The following PTCSC3 variants were observed in gnomAD, a reference collection of about 807,000 sequenced individuals.
The protein encoded by PTCSC3 is papillary thyroid carcinoma susceptibility candidate 3 (non-protein coding).
intron 2 of PTCSC3, among the ~76,000 whole-genome samples, chr14:36,160,633 T>A (rs1594453539): frequency 8.0e-6 from 1 of 124,326 alleles, no homozygotes; most frequent in South Asian, 2.9e-4. Context: ...TAACCTGACC[T>A]TTCTCTCTGG....
chr14:36,146,360 T>C (rs1452361335), intron 3 of PTCSC3, among the ~76,000 whole-genome samples: 1 of 149,642 alleles, frequency 6.7e-6, no homozygotes, highest in South Asian at 2.2e-4. Context: ...ATTGGGTGCA[T>C]ATATATTTAG....
At chr14:36,160,699 C>T (rs568805022) in intron 2 of PTCSC3, among the ~76,000 whole-genome samples, 11 of 152,146 alleles carry the variant, frequency 7.2e-5, no homozygotes, top group South Asian at 2.1e-4. Context: ...AATTATATGT[C>T]TTGGGGGTTG....
intron 3 of PTCSC3, among the ~76,000 whole-genome samples, chr14:36,142,352 C>T (rs1045926278): frequency 1.3e-5 from 2 of 152,042 alleles, no homozygotes; most frequent in Non-Finnish European, 2.9e-5. Flanking sequence ...GCATACCTGC[C>T]GTATGGTTGT....
intron 3 of PTCSC3, among the ~76,000 whole-genome samples, chr14:36,143,687 CT>C (rs1298919317): frequency 6.8e-6 from 1 of 148,056 alleles, no homozygotes; most frequent in Non-Finnish European, 1.5e-5. Context: ...TCAATTTTGG[CT>C]TTTGTTGCCA....
At chr14:36,142,753 C>G (rs1270177955) in intron 3 of PTCSC3, among the ~76,000 whole-genome samples, 3 of 150,990 alleles carry the variant, frequency 2.0e-5, no homozygotes, top group African/African-American at 7.3e-5. Flanking sequence ...GTGCGCTGCA[C>G]CCACTAACTC....
intron 3 of PTCSC3, among the ~76,000 whole-genome samples, chr14:36,146,190 G>T: frequency 6.9e-6 from 1 of 144,498 alleles, no homozygotes; most frequent in Non-Finnish European, 1.5e-5. Context: ...ACTTGGTGCA[G>T]AGCTGAGTTC....
chr14:36,141,385 T>C (rs1410343679), intron 3 of PTCSC3, among the ~76,000 whole-genome samples: 1 of 152,092 alleles, frequency 6.6e-6, no homozygotes, highest in Admixed American at 6.6e-5. Context: ...TATCTTTCCC[T>C]TTATTTAGAT....
At chr14:36,175,396 T>C (rs1324518649) in intron 1 of PTCSC3, among the ~76,000 whole-genome samples, 2 of 152,164 alleles carry the variant, frequency 1.3e-5, no homozygotes, top group African/African-American at 4.8e-5. Flanking sequence ...AGTCATCCCA[T>C]TATGGTTAGA....
At chr14:36,146,974 A>G (rs1290772909) in intron 3 of PTCSC3, among the ~76,000 whole-genome samples, 1 of 152,148 alleles carries the variant, frequency 6.6e-6, no homozygotes, top group Non-Finnish European at 1.5e-5. Flanking sequence ...TTCCTTTAAG[A>G]ATGTTGAATA....
chr14:36,141,589 G>T (rs1275260074), intron 3 of PTCSC3, among the ~76,000 whole-genome samples: 2 of 152,058 alleles, frequency 1.3e-5, no homozygotes, highest in Admixed American at 1.3e-4. Context: ...CTAACATCAG[G>T]TGGTCTGCCT....
chr14:36,142,762 T>G (rs1487511890), intron 3 of PTCSC3, among the ~76,000 whole-genome samples: 1 of 150,274 alleles, frequency 6.7e-6, no homozygotes, highest in East Asian at 2.0e-4. Flanking sequence ...ACCCACTAAC[T>G]CATCATCTAG....
At chr14:36,146,480 G>A (rs1307480393) in intron 3 of PTCSC3, among the ~76,000 whole-genome samples, 1 of 151,390 alleles carries the variant, frequency 6.6e-6, no homozygotes, top group Non-Finnish European at 1.5e-5. Context: ...GACTAGGATT[G>A]CAACCCCTGC....
intron 1 of PTCSC3, among the ~76,000 whole-genome samples, chr14:36,163,968 C>T (rs755523291): frequency 4.6e-5 from 7 of 152,072 alleles, no homozygotes; most frequent in African/African-American, 9.7e-5. Context: ...TAACAACAGA[C>T]GGTGTCAGGA....
intron 3 of PTCSC3, among the ~76,000 whole-genome samples, chr14:36,150,663 A>G (rs1881700741): frequency 6.6e-6 from 1 of 152,032 alleles, no homozygotes; most frequent in African/African-American, 2.4e-5. Context: ...ATATGATTCC[A>G]TTTTCCCTCC....
At chr14:36,141,454 GATAT>G (rs1474540486) in intron 3 of PTCSC3, among the ~76,000 whole-genome samples, 5 of 151,600 alleles carry the variant, frequency 3.3e-5, no homozygotes, top group Non-Finnish European at 7.4e-5. Context: ...CAGATATATA[GATAT>G]ATATATCTAT....
chr14:36,159,076 A>AT (rs1407021331), intron 2 of PTCSC3, among the ~76,000 whole-genome samples: 1 of 151,570 alleles, frequency 6.6e-6, no homozygotes, highest in Admixed American at 6.6e-5. Context: ...GGTAGTTTGT[A>AT]TTTCTGTGGG....
chr14:36,143,983 A>T (rs1412017060), intron 3 of PTCSC3, among the ~76,000 whole-genome samples: 8 of 152,082 alleles, frequency 5.3e-5, no homozygotes, highest in African/African-American at 1.9e-4. Context: ...ATGTGGCGTT[A>T]CTTCTGAGGG....
chr14:36,166,567 GT>G (rs1210218359), intron 1 of PTCSC3, among the ~76,000 whole-genome samples: 2 of 151,836 alleles, frequency 1.3e-5, no homozygotes, highest in Non-Finnish European at 2.9e-5. Context: ...CATATATGTT[GT>G]GCTACATCCA....
At chr14:36,137,640 T>C (rs1236150057) in intron 3 of PTCSC3, among the ~76,000 whole-genome samples, 1 of 152,166 alleles carries the variant, frequency 6.6e-6, no homozygotes, top group Admixed American at 6.5e-5. Flanking sequence ...GGATTGGATA[T>C]ATTCTGTGAG....
Sources: allele counts gnomAD v4.1 joint callset (sites outside exome capture counted in the v4.1 genomes callset), GRCh38; gene constraint gnomAD v4.1.1; transcripts MANE v1.5; gene names NCBI Gene and HGNC (gene_info 2026-07-23, HGNC 2026-07-21).